Variants in CTCFL observed in about 807,000 individuals in gnomAD.
CTCFL encodes transcriptional repressor CTCFL.
Under a neutral mutation model 67.4 loss-of-function variants are expected in CTCFL, and 36 were observed. The observed-to-expected ratio is 0.53, with a 90% CI of 0.41 to 0.71. CTCFL has a LOEUF of 0.71. Ranked by LOEUF, CTCFL falls within the 30% of genes least tolerant of loss-of-function variation. The pLI, the probability that CTCFL is intolerant of heterozygous loss-of-function variation, is 0.00. For missense variants in CTCFL, 786 were observed against 835.2 expected (o/e 0.94, Z 0.73); for synonymous variants, 324 against 302.3 (o/e 1.07, Z -0.75).
chr20:57,513,366 T>G (rs2068688980), intron 7 of CTCFL: 2 of 986,704 alleles, frequency 2.0e-6, no homozygotes, highest in African/African-American at 3.5e-5. Context: ...TTGTGATACT[T>G]GTGTAAGAAG....
At chr20:57,513,655 C>A in intron 7 of CTCFL, 17 of 1,181,706 alleles carry the variant, frequency 1.4e-5, no homozygotes, top group Non-Finnish European at 1.8e-5. Context: ...GTATCTACGG[C>A]AACAATGACA....
At chr20:57,519,553 C>T (rs933173442) in intron 3 of CTCFL, among the ~76,000 whole-genome samples, 176 bp from the exon 4 acceptor site, 2 of 152,180 alleles carry the variant, frequency 1.3e-5, no homozygotes, top group South Asian at 4.1e-4. Context: ...GGATAATGAA[C>T]AATGCATTTT....
rs2067738841 is a variant in CTCFL at position 57,497,433 on chromosome 20, G to T, written c.*1117C>A. The stretch of plus-strand genomic sequence containing the variant: ...TTTCAATAAAAGGTCCATATCTTAA[G>T]AATTTGAATTTAGGGCTTATCAATG... On this transcript the variant is annotated 3_prime_UTR_variant, in exon 11 of 11. Coordinates refer to ENST00000243914, the MANE Select transcript of CTCFL (RefSeq NM_001386993.1). 2.0e-6 allele frequency: 2 copies of T among 985,270 alleles called. No homozygotes were observed. The highest frequency in any genetic ancestry group is 2.4e-6 in the Non-Finnish European group (2 of 829,932). The allele number at this position is 985,270 out of a possible 1,614,324, so 61.0% of individuals were successfully genotyped here.
intron 2 of CTCFL, 136 bp from the exon 3 acceptor site, chr20:57,523,414 A>G (rs1397380616): frequency 5.0e-6 from 5 of 1,000,158 alleles, no homozygotes; most frequent in Non-Finnish European, 7.2e-6. Context: ...ATTTCGCATC[A>G]GGGTTGTGGC....
chr20:57,511,919 T>A (rs1408516122), intron 8 of CTCFL, among the ~76,000 whole-genome samples: 3 of 152,166 alleles, frequency 2.0e-5, no homozygotes, highest in African/African-American at 4.8e-5. Flanking sequence ...TAAAAAAATG[T>A]CCACCAACGC....
Position 57,503,607 on chromosome 20 carries a change from G to A in CTCFL, c.1675-6C>T, listed in dbSNP as rs559956712. 4.8e-5 allele frequency: 78 copies of A among 1,613,926 alleles called. No homozygotes were observed. The highest frequency in any genetic ancestry group is 3.1e-4 in the East Asian group (14 of 44,868). ...GAATGTCTGTGCAGGTTAATCTGTC[G>A]GAGAATTGACACAGAACACACAAGG... On this transcript the variant is annotated splice_polypyrimidine_tract_variant and splice_region_variant and intron_variant, in intron 9 of 10. Coordinates refer to ENST00000243914, the MANE Select transcript of CTCFL (RefSeq NM_001386993.1).
At position 57,508,776 on chromosome 20, in the gene CTCFL, T is replaced by A. The variant is rs1600651670; in HGVS notation, c.1504A>T (p.Thr502Ser). ...CCAGTGTGGGTACGAATGTGAGCGG[T>A]CATATGACGTTCCTAAGAGGGAAGG... ...SYACKQERHM[T>S]AHIRTHTGEK... Residue 502 changes from threonine (T) to serine (S), a missense_variant, in exon 9 of 11, where the codon ACC (threonine) becomes TCC (serine). This residue lies in a region of CTCFL where 254 missense variants were observed against 333.9 expected (regional missense o/e 0.76). Coordinates refer to ENST00000243914, the MANE Select transcript of CTCFL (RefSeq NM_001386993.1). The A allele has an allele frequency of 6.2e-7, 1 of 1,613,964 alleles. No individual in the cohort carries two copies. Among genetic ancestry groups the A allele is most frequent in the African/African-American group, 1.3e-5 (1 of 74,922 alleles).
chr20:57,514,503 A>G, intron 7 of CTCFL, 89 bp downstream of exon 7: 2 of 1,474,114 alleles, frequency 1.4e-6, no homozygotes, highest in South Asian at 2.6e-5. Flanking sequence ...GCCTCCCAGT[A>G]TCAGGGCCAG....
At chr20:57,516,329 G>A (rs554095199) in intron 5 of CTCFL, among the ~76,000 whole-genome samples, 22 of 152,218 alleles carry the variant, frequency 1.4e-4, no homozygotes, top group African/African-American at 5.3e-4. Context: ...CCTGAGCTGA[G>A]GAGTTTGAGA....
In CTCFL at chr20:57,507,502, T is replaced by G. The variant is rs182199126; in HGVS notation, c.1674+1104A>C. The G allele has an allele frequency of 1.3e-3, 867 of 686,168 alleles. 6 individuals are homozygous for G. The African/African-American group carries it at 0.014, about 11-fold the overall frequency. 42.5% of individuals were successfully genotyped at this position (686,168 alleles called of 1,614,324 possible). A position where few individuals can be genotyped will look rare whatever the true frequency, so the allele number is the denominator to read the frequency against. On this transcript the variant is annotated intron_variant, in intron 9 of 10. Coordinates refer to ENST00000243914, the MANE Select transcript of CTCFL (RefSeq NM_001386993.1). ...TGTGAGCCCCCACAGCTGGCTGTTG[T>G]GCCGCTTTTAGGACTAGACTGCAAA...
chr20:57,522,744 C>T (rs906588787), intron 3 of CTCFL, among the ~76,000 whole-genome samples: 2 of 152,158 alleles, frequency 1.3e-5, no homozygotes, highest in Non-Finnish European at 2.9e-5. Context: ...CGAGGCCTCA[C>T]CACCTGTCCT....
chr20:57,498,613 T>A lies in CTCFL; in HGVS notation c.1929A>T (p.Arg643Ser). The A allele has an allele frequency of 2.5e-6, 4 of 1,614,176 alleles. No individual in the cohort carries two copies. Among genetic ancestry groups the A allele is most frequent in the Non-Finnish European group, 3.4e-6 (4 of 1,180,024 alleles). ...CGCCTTCATCCACTTCCTCTTTGAC[T>A]CTGGCTGTGGTTTCTCTGCAGGCGA... ...FPVACRETTA[R>S]VKEEVDEGVT... Residue 643 changes from arginine (R) to serine (S), a missense_variant, in exon 11 of 11, where the codon AGA becomes AGT. Arg to Ser is a moderately radical substitution (Grantham distance 110). Coordinates refer to ENST00000243914, the MANE Select transcript of CTCFL (RefSeq NM_001386993.1).
chr20:57,515,956 T>C (rs1462281026), intron 5 of CTCFL, 122 bp from the exon 6 acceptor site: 4 of 1,122,570 alleles, frequency 3.6e-6, no homozygotes, highest in Non-Finnish European at 5.0e-6. Flanking sequence ...CACCAGAGCA[T>C]ATTTCACTCA....
intron 8 of CTCFL, among the ~76,000 whole-genome samples, chr20:57,509,284 AT>A (rs370517858): frequency 0.081 from 10,915 of 134,540 alleles, 333 homozygotes; most frequent in African/African-American, 0.14. Flanking sequence ...CTTAATACCG[AT>A]TTTTTTTTTT....
intron 9 of CTCFL, among the ~76,000 whole-genome samples, chr20:57,505,737 A>G (rs1339779515): frequency 6.6e-6 from 1 of 152,204 alleles, no homozygotes; most frequent in Non-Finnish European, 1.5e-5. Context: ...ATGAAACTGT[A>G]TACAACATTC....
chr20:57,519,137 TGG>T, intron 4 of CTCFL, 68 bp downstream of exon 4: 1 of 1,466,562 alleles, frequency 6.8e-7, no homozygotes, highest in East Asian at 2.3e-5. Flanking sequence ...TAGAAACAGG[TGG>T]ATTCACATTC....
rs200736076 is a variant in CTCFL, at chr20:57,524,214, G to C, written c.-9C>G. ...ATCTCAGTGGCTGCCATAATGACTT[G>C]GCCTGTTTGAAAAATAAGCAAGCGG... On this transcript the variant is annotated splice_region_variant and 5_prime_UTR_variant, in exon 2 of 11. Coordinates refer to ENST00000243914, the MANE Select transcript of CTCFL (RefSeq NM_001386993.1). 6.2e-7 allele frequency: 1 copy of C among 1,607,954 alleles called. No individual in the cohort carries two copies. The highest frequency in any genetic ancestry group is 2.2e-5 in the East Asian group (1 of 44,846).
chr20:57,518,403 T>C (rs1403900513), intron 5 of CTCFL: 18 of 725,226 alleles, frequency 2.5e-5, no homozygotes, highest in Admixed American at 3.9e-5. Flanking sequence ...AACATTGAGA[T>C]TGGATCTGCA....
chr20:57,522,183 G>C (rs561369821), intron 3 of CTCFL, among the ~76,000 whole-genome samples: 1 of 152,194 alleles, frequency 6.6e-6, no homozygotes, highest in African/African-American at 2.4e-5. Context: ...CTGACCACAT[G>C]TAAGAATGGG....
Sources: allele counts gnomAD v4.1 joint callset (sites outside exome capture counted in the v4.1 genomes callset), GRCh38; gene constraint gnomAD v4.1.1; regional missense constraint gnomAD v4.1.1; transcripts MANE v1.5; gene names NCBI Gene and HGNC (gene_info 2026-07-23, HGNC 2026-07-21).